The following DLC1 variants were observed in gnomAD, a reference collection of about 807,000 sequenced individuals.
The protein encoded by DLC1 is rho GTPase-activating protein 7.
A neutral mutation model predicts 140.3 loss-of-function variants in DLC1; 54 were observed. That is an observed-to-expected ratio of 0.38 (90% CI 0.31 to 0.48). The LOEUF (loss-of-function observed/expected upper bound fraction) is 0.48, where lower values mean the gene tolerates loss of function less well. Ranked by LOEUF, DLC1 falls within the 20% of genes least tolerant of loss-of-function variation. DLC1 has a pLI of 0.96. For synonymous variants in DLC1, 986 were observed against 728.1 expected (o/e 1.35, Z -5.70); for missense variants, 2,536 against 1,907.0 (o/e 1.33, Z -6.14).
At chr8:13,402,000 C>T (rs1337597431) in intron 2 of DLC1, among the ~76,000 whole-genome samples, 1 of 151,998 alleles carries the variant, frequency 6.6e-6, no homozygotes, top group Non-Finnish European at 1.5e-5. Context: ...TGTGGCTAGA[C>T]ATTTAGGGAT....
chr8:13,248,706 T>G lies in DLC1; in HGVS notation c.1348+56563A>C, dbSNP rs561473008. On this transcript the variant is annotated intron_variant, in intron 5 of 17. Coordinates refer to ENST00000276297, the MANE Select transcript of DLC1 (RefSeq NM_182643.3). The stretch of plus-strand genomic sequence containing the variant: ...AGTCCTCAACCCTGAAAACGCATTC[T>G]GATCTCATCCTTCCATCCCATGTCT... 3.8e-4 allele frequency among the ~76,000 whole-genome samples: 58 copies of G among 152,314 alleles called. 1 individual carries two copies. Among genetic ancestry groups the G allele is most frequent in the African/African-American group, 1.4e-3 (57 of 41,568 alleles).
chr8:13,434,700 A>G (rs73555418), intron 2 of DLC1, among the ~76,000 whole-genome samples: 4,626 of 152,160 alleles, frequency 0.03, 71 homozygotes, highest in Middle Eastern at 0.048. Context: ...ATTTTTCGAG[A>G]CAGGGTCTCA....
intron 2 of DLC1, among the ~76,000 whole-genome samples, chr8:13,418,740 A>T (rs181455032): frequency 7.2e-5 from 11 of 152,124 alleles, no homozygotes; most frequent in Admixed American, 6.5e-4. Flanking sequence ...GTTTTTTCCA[A>T]TTTTGTGAAG....
rs149836344 is a variant in DLC1 at position 13,158,493 on chromosome 8, C to G, written c.1349-42836G>C. On this transcript the variant is annotated intron_variant, in intron 5 of 17. Coordinates refer to ENST00000276297, the MANE Select transcript of DLC1 (RefSeq NM_182643.3). ...GGTGAATCTTGTTAGACAAGGCTGG[C>G]GAGAGGTTCTGAGACAGGTAAGAGA... 6.7e-3 allele frequency among the ~76,000 whole-genome samples: 1,020 copies of G among 152,126 alleles called. 2 individuals carry two copies. Among genetic ancestry groups the G allele is most frequent in the Admixed American group, 0.014 (208 of 15,282 alleles).
At chr8:13,502,052 C>G (rs928315682) in intron 1 of DLC1, among the ~76,000 whole-genome samples, 5 of 152,154 alleles carry the variant, frequency 3.3e-5, no homozygotes, top group South Asian at 2.1e-4. Flanking sequence ...AGCCTGAATT[C>G]TGGTTTCATT....
At chr8:13,549,333 T>G (rs1803768925) in intron 1 of DLC1, among the ~76,000 whole-genome samples, 1 of 152,096 alleles carries the variant, frequency 6.6e-6, no homozygotes, top group African/African-American at 2.4e-5. Context: ...AGTATTTTCT[T>G]TAGGAGCTCA....
intron 16 of DLC1, 111 bp from the exon 17 acceptor site, chr8:13,086,574 C>A: frequency 7.9e-7 from 1 of 1,266,624 alleles, no homozygotes; most frequent in Non-Finnish European, 1.1e-6. Context: ...GGCTCAGTGG[C>A]CATGCTGTGT....
intron 2 of DLC1, among the ~76,000 whole-genome samples, chr8:13,434,128 C>T (rs889177689): frequency 6.6e-5 from 10 of 152,158 alleles, no homozygotes; most frequent in Non-Finnish European, 1.5e-4. Flanking sequence ...CCACCTGCCT[C>T]GGCCTCCCAA....
chr8:13,165,394 G>A (rs1825036134), intron 5 of DLC1, among the ~76,000 whole-genome samples: 1 of 152,212 alleles, frequency 6.6e-6, no homozygotes, highest in East Asian at 1.9e-4. Flanking sequence ...GGAAAGGGTA[G>A]CTGGTAGGTA....
intron 5 of DLC1, among the ~76,000 whole-genome samples, chr8:13,266,642 G>C (rs1264014064): frequency 6.6e-6 from 1 of 152,120 alleles, no homozygotes; most frequent in Non-Finnish European, 1.5e-5. Context: ...CTACTCGGGA[G>C]GCTGAGGCAC....
At chr8:13,429,620 C>G (rs941268781) in intron 2 of DLC1, among the ~76,000 whole-genome samples, 1 of 152,162 alleles carries the variant, frequency 6.6e-6, no homozygotes, top group Admixed American at 6.5e-5. Flanking sequence ...TCCTATGTAT[C>G]TTTTGCCATG....
At chr8:13,094,665 C>CAA in intron 12 of DLC1, 94 bp downstream of exon 12, 1 of 1,185,974 alleles carries the variant, frequency 8.4e-7, no homozygotes, top group Non-Finnish European at 1.2e-6. Context: ...GACTCCATCT[C>CAA]AAAAAAAAAA....
intron 4 of DLC1, among the ~76,000 whole-genome samples, chr8:13,346,071 G>C (rs1308884326): frequency 6.6e-6 from 1 of 152,152 alleles, no homozygotes; most frequent in Non-Finnish European, 1.5e-5. Context: ...CTAGATACTT[G>C]TCAATACATT....
chr8:13,568,559 G>A (rs1212667549), intron 1 of DLC1, among the ~76,000 whole-genome samples: 3 of 146,940 alleles, frequency 2.0e-5, no homozygotes, highest in Non-Finnish European at 4.5e-5. Flanking sequence ...GGAAGTTGAA[G>A]CCGTAGATTG....
intron 1 of DLC1, among the ~76,000 whole-genome samples, chr8:13,536,310 A>G (rs570970737): frequency 5.9e-5 from 9 of 152,324 alleles, no homozygotes; most frequent in Non-Finnish European, 1.2e-4. Context: ...AAAGTTGGAG[A>G]AAGGGAGTGG....
chr8:13,225,708 T>G (rs1214688044), intron 5 of DLC1, among the ~76,000 whole-genome samples: 1 of 151,462 alleles, frequency 6.6e-6, no homozygotes, highest in Non-Finnish European at 1.5e-5. Context: ...CTCCGCCTCC[T>G]GGGTTCACAC....
chr8:13,103,148 A>G (rs1187680957), intron 7 of DLC1, among the ~76,000 whole-genome samples: 3 of 151,736 alleles, frequency 2.0e-5, no homozygotes, highest in Non-Finnish European at 4.4e-5. Context: ...GTCTCTACTA[A>G]AAATACAAAA....
intron 1 of DLC1, among the ~76,000 whole-genome samples, chr8:13,534,017 G>A (rs989145221): frequency 1.3e-5 from 2 of 152,086 alleles, no homozygotes; most frequent in South Asian, 4.1e-4. Context: ...CTTTATAGCA[G>A]TATGAAAATG....
intron 5 of DLC1, among the ~76,000 whole-genome samples, chr8:13,122,071 G>A (rs560933320): frequency 6.6e-6 from 1 of 152,062 alleles, no homozygotes; most frequent in Non-Finnish European, 1.5e-5. Context: ...ACTCTGATAA[G>A]CCTCACCCCT....
Sources: allele counts gnomAD v4.1 joint callset (sites outside exome capture counted in the v4.1 genomes callset), GRCh38; gene constraint gnomAD v4.1.1; transcripts MANE v1.5; gene names NCBI Gene and HGNC (gene_info 2026-07-23, HGNC 2026-07-21).